The following TCAIM variants were observed in gnomAD, a reference collection of about 807,000 sequenced individuals.
TCAIM encodes T cell activation inhibitor, mitochondrial.
Under a neutral mutation model 58.6 loss-of-function variants are expected in TCAIM, and 36 were observed. The ratio of observed to expected loss-of-function variants is 0.61; its 90% confidence interval spans 0.47 to 0.81. The LOEUF (loss-of-function observed/expected upper bound fraction) is 0.81, where lower values mean the gene tolerates loss of function less well. Ranked by LOEUF, TCAIM falls within the 30% of genes least tolerant of loss-of-function variation. The pLI is 0.00. For synonymous variants in TCAIM, 172 were observed against 193.6 expected, an observed-to-expected ratio of 0.89 and a Z score of 0.93; for missense variants, 466 against 579.6, an observed-to-expected ratio of 0.80 and a Z score of 2.01.
At chr3:44,406,132 T>C (rs1654910207) in intron 10 of TCAIM, among the ~76,000 whole-genome samples, 3 of 152,088 alleles carry the variant, frequency 2.0e-5, no homozygotes, top group African/African-American at 7.2e-5. Context: ...TCTCCTGATA[T>C]AAAGCTTGTG....
At position 44,374,893 on chromosome 3, in the gene TCAIM, A is replaced by C. The variant is rs566415892; in HGVS notation, c.572+7185A>C. Reference sequence around the variant, plus strand: ...AAGCCTAGGAGTGTAAAATTTATGCAATTTTAACTTTATTGTAATTTGGAT... The same window carrying C: ...AAGCCTAGGAGTGTAAAATTTATGCCATTTTAACTTTATTGTAATTTGGAT... On this transcript the variant is annotated intron_variant, in intron 5 of 10. Transcript: ENST00000342649. 4.6e-5 allele frequency among the ~76,000 whole-genome samples: 7 copies of C among 152,304 alleles called. No individual in the cohort carries two copies. The East Asian group carries it at 1.3e-3, about 29-fold the overall frequency.
chr3:44,407,865 G>T lies in TCAIM; in HGVS notation c.*183G>T. Reference sequence around the variant, plus strand: ...GGAGAGGTTTTATATGCCAGGCGTGGTGGCTCATGCCTGCGGTCCCAGCTA... The same window carrying T: ...GGAGAGGTTTTATATGCCAGGCGTGTTGGCTCATGCCTGCGGTCCCAGCTA... On this transcript the variant is annotated 3_prime_UTR_variant, in exon 11 of 11. Coordinates refer to ENST00000342649, the MANE Select transcript of TCAIM (RefSeq NM_173826.4). 1.6e-6 allele frequency: 1 copy of T among 609,920 alleles called. No individual in the cohort carries two copies. 37.8% of individuals were successfully genotyped at this position (609,920 alleles called of 1,614,324 possible).
At position 44,402,812 on chromosome 3, in the gene TCAIM, C is replaced by T. The variant is rs554251973; in HGVS notation, c.1250+1478C>T. Among the ~76,000 whole-genome samples, 3 of 152,120 alleles carry T rather than the reference C, an allele frequency of 2.0e-5. No homozygotes were observed. The South Asian group carries it at 6.2e-4, about 32-fold the overall frequency. ...ACAGGATGGAAGCTGGAGAGAATGC[C>T]ATTCCACATGTCCATGGAGGGAAGT... On this transcript the variant is annotated intron_variant, in intron 10 of 10. Coordinates refer to ENST00000342649, the MANE Select transcript of TCAIM (RefSeq NM_173826.4).
At chr3:44,394,958 A>G (rs1289558115) in intron 6 of TCAIM, among the ~76,000 whole-genome samples, 87 of 107,654 alleles carry the variant, frequency 8.1e-4, no homozygotes, top group African/African-American at 3.1e-3. Flanking sequence ...ATATATATAT[A>G]TGTATATATC....
At chr3:44,404,975 A>G (rs1702077500) in intron 10 of TCAIM, among the ~76,000 whole-genome samples, 1 of 152,060 alleles carries the variant, frequency 6.6e-6, no homozygotes, top group Non-Finnish European at 1.5e-5. Context: ...ATAGTTAGAA[A>G]AAGGGAAAAA....
At chr3:44,365,811 A>G (rs1449210100) in intron 4 of TCAIM, among the ~76,000 whole-genome samples, 1 of 152,180 alleles carries the variant, frequency 6.6e-6, no homozygotes, top group Non-Finnish European at 1.5e-5. Context: ...TTAATTTTAA[A>G]TTTTTATTTC....
chr3:44,400,928 T>C, intron 9 of TCAIM: 1 of 487,178 alleles, frequency 2.1e-6, no homozygotes, highest in South Asian at 2.3e-5. Context: ...GGTACTTATA[T>C]GCATTCTGTC....
intron 1 of TCAIM, chr3:44,341,119 C>G (rs1187925095): frequency 5.3e-5 from 8 of 152,038 alleles, no homozygotes; most frequent in Admixed American, 5.2e-4. Context: ...TATATATAGG[C>G]ATTTTCCTCT....
intron 5 of TCAIM, among the ~76,000 whole-genome samples, chr3:44,390,326 A>C (rs1466737043): frequency 6.6e-6 from 1 of 152,244 alleles, no homozygotes; most frequent in Non-Finnish European, 1.5e-5. Context: ...ATATACTAAA[A>C]ATGGAATGAG....
At chr3:44,364,618 T>A (rs1223922564) in intron 4 of TCAIM, among the ~76,000 whole-genome samples, 2 of 151,828 alleles carry the variant, frequency 1.3e-5, no homozygotes, top group African/African-American at 4.8e-5. Flanking sequence ...GGCATGTGCC[T>A]GTAGTCCCCG....
rs1417126462 is a variant in TCAIM at position 44,372,061 on chromosome 3, GGAA to G, written c.572+4355_572+4357del. Among the ~76,000 whole-genome samples, 915 of 138,376 alleles carry G rather than the reference GGAA, an allele frequency of 6.6e-3. 9 individuals carry two copies. The highest frequency in any genetic ancestry group is 0.018 in the East Asian group (91 of 4,976). The allele number at this position is 138,376 out of a possible 152,430, so 90.8% of individuals were successfully genotyped here. A position where few individuals can be genotyped will look rare whatever the true frequency, so the allele number is the denominator to read the frequency against. On this transcript the variant is annotated intron_variant, in intron 5 of 10. Transcript: ENST00000342649. ...AGGAAGGAAGGAAGGAAGGAAGGAA[GGAA>G]GGAAGGAAGGAAGATACAGTATTAG...
At chr3:44,403,393 G>A (rs1702052182) in intron 10 of TCAIM, among the ~76,000 whole-genome samples, 1 of 152,172 alleles carries the variant, frequency 6.6e-6, no homozygotes, top group African/African-American at 2.4e-5. Context: ...TTGTTTTCCT[G>A]TTTTCCTTAT....
intron 3 of TCAIM, among the ~76,000 whole-genome samples, chr3:44,360,206 T>C (rs1701273460): frequency 1.3e-5 from 2 of 152,140 alleles, no homozygotes; most frequent in South Asian, 2.1e-4. Context: ...ATGTACCCTA[T>C]TTCCTTATTT....
chr3:44,407,744 A>G lies in TCAIM; in HGVS notation c.*62A>G. 6.9e-7 allele frequency: 1 copy of G among 1,450,660 alleles called. No homozygotes were observed. The highest frequency in any genetic ancestry group is 2.5e-5 in the East Asian group (1 of 40,206). 89.9% of individuals were successfully genotyped at this position (1,450,660 alleles called of 1,614,324 possible). On this transcript the variant is annotated 3_prime_UTR_variant, in exon 11 of 11. Transcript: ENST00000342649. ...AGGAACTTAAATTAAAAATATTTAA[A>G]TCCACAATTTGATATAACAGTATTA... is the stretch of plus-strand genomic sequence containing the variant.
At chr3:44,365,775 AAATGTGGCC>A (rs1222688457) in intron 4 of TCAIM, among the ~76,000 whole-genome samples, 3 of 152,240 alleles carry the variant, frequency 2.0e-5, no homozygotes, top group Non-Finnish European at 4.4e-5. Context: ...TGAGCACTTG[AAATGTGGCC>A]AATGTGGCCA....
chr3:44,346,737 C>T (rs1424897499), intron 1 of TCAIM, among the ~76,000 whole-genome samples: 3 of 152,270 alleles, frequency 2.0e-5, no homozygotes, highest in African/African-American at 4.8e-5. Flanking sequence ...GCAGCTGCCG[C>T]GTGCAGACAT....
In TCAIM at chr3:44,358,912, A is replaced by G. The variant is rs1005353243; in HGVS notation, c.165+1036A>G. Reference sequence around the variant, plus strand: ...CTTCTAGGAAAATATTCTGATTATGATATGTGATATGTTGGCTACTCAAAG... The same window carrying G: ...CTTCTAGGAAAATATTCTGATTATGGTATGTGATATGTTGGCTACTCAAAG... On this transcript the variant is annotated intron_variant, in intron 3 of 10. Coordinates refer to ENST00000342649, the MANE Select transcript of TCAIM (RefSeq NM_173826.4). 8 of 985,214 alleles carry G rather than the reference A, an allele frequency of 8.1e-6. No individual in the cohort carries two copies. The African/African-American group carries it at 1.4e-4, about 17-fold the overall frequency. 61.0% of individuals were successfully genotyped at this position (985,214 alleles called of 1,614,324 possible). A position where few individuals can be genotyped will look rare whatever the true frequency, so the allele number is the denominator to read the frequency against.
intron 5 of TCAIM, among the ~76,000 whole-genome samples, chr3:44,375,200 A>T (rs952578984): frequency 6.6e-6 from 1 of 152,138 alleles, no homozygotes; most frequent in East Asian, 1.9e-4. Context: ...ATCATTTTTA[A>T]TCAAGCTGTC....
chr3:44,349,968 A>AG (rs1474584083), intron 1 of TCAIM, among the ~76,000 whole-genome samples: 1 of 151,948 alleles, frequency 6.6e-6, no homozygotes, highest in East Asian at 1.9e-4. Flanking sequence ...AGCAAAGAGC[A>AG]GGGGGACAGG....
Sources: allele counts gnomAD v4.1 joint callset (sites outside exome capture counted in the v4.1 genomes callset), GRCh38; gene constraint gnomAD v4.1.1; transcripts MANE v1.5; gene names NCBI Gene and HGNC (gene_info 2026-07-23, HGNC 2026-07-21).